The following RPRD2 variants were observed in gnomAD, a reference collection of about 807,000 sequenced individuals.
RPRD2 encodes regulation of nuclear pre-mRNA domain-containing protein 2.
In RPRD2, 12 loss-of-function variants were observed where a neutral mutation model predicts 104.4. The observed-to-expected ratio is 0.11, with a 90% CI of 0.07 to 0.19. RPRD2 has a LOEUF of 0.19. Among genes scored for constraint, RPRD2 ranks in the 10% least tolerant of loss-of-function variants. The pLI is 1.00. For synonymous variants in RPRD2, 714 were observed against 684.9 expected, an observed-to-expected ratio of 1.04 and a Z score of -0.66; for missense variants, 1,543 against 1,790.1, an observed-to-expected ratio of 0.86 and a Z score of 2.49.
At chr1:150,446,076 AAAAAAAG>A (rs1353919570) in intron 6 of RPRD2, 143 bp from the exon 7 acceptor site, 8 of 515,288 alleles carry the variant, frequency 1.6e-5, no homozygotes, top group African/African-American at 1.2e-4. Flanking sequence ...TCAAAAAAAA[AAAAAAAG>A]AAAGAAACTA....
intron 9 of RPRD2, among the ~76,000 whole-genome samples, chr1:150,460,853 A>G (rs1667887509): frequency 6.7e-6 from 1 of 148,382 alleles, no homozygotes; most frequent in Non-Finnish European, 1.5e-5. Context: ...AGCCTCCCAA[A>G]TAGCTGGGAC....
chr1:150,380,410 T>C (rs888375842), intron 1 of RPRD2, among the ~76,000 whole-genome samples: 7 of 152,098 alleles, frequency 4.6e-5, no homozygotes, highest in African/African-American at 1.7e-4. Context: ...TTTGTTTTTT[T>C]TCCTCCTGGG....
At chr1:150,381,567 T>C (rs1344962985) in intron 1 of RPRD2, among the ~76,000 whole-genome samples, 1 of 150,156 alleles carries the variant, frequency 6.7e-6, no homozygotes, top group Non-Finnish European at 1.5e-5. Context: ...TGCAGTGGCG[T>C]GATCTCAGCT....
chr1:150,427,785 CGAGT>C (rs1270958175), intron 2 of RPRD2, among the ~76,000 whole-genome samples: 2 of 151,932 alleles, frequency 1.3e-5, no homozygotes, highest in Non-Finnish European at 2.9e-5. Context: ...GGTGACATAG[CGAGT>C]CTCTGTCCCA....
chr1:150,383,867 T>C (rs16836601), intron 1 of RPRD2, among the ~76,000 whole-genome samples: 7,207 of 152,240 alleles, frequency 0.047, 432 homozygotes, highest in African/African-American at 0.13. Flanking sequence ...GTAGCACATA[T>C]GCATCAACTG....
rs60436957 is a variant in RPRD2, at chr1:150,384,450, C to CATTATTATTATT, written c.205+19563_205+19574dup. 3.3e-4 allele frequency among the ~76,000 whole-genome samples: 44 copies of CATTATTATTATT among 132,346 alleles called. No individual in the cohort carries two copies. In the East Asian group the frequency reaches 6.1e-3, roughly 18 times the overall value. 86.8% of individuals were successfully genotyped at this position (132,346 alleles called of 152,430 possible). A position where few individuals can be genotyped will look rare whatever the true frequency, so the allele number is the denominator to read the frequency against. On this transcript the variant is annotated intron_variant, in intron 1 of 10. Coordinates refer to ENST00000369068, the MANE Select transcript of RPRD2 (RefSeq NM_015203.5). The stretch of plus-strand genomic sequence containing the variant: ...CAGAAGGAATAAAAGGCATCATCAT[C>CATTATTATTATT]ATTATTATTATTATTATTATTATTA...
At chr1:150,452,189 A>G (rs1667232414) in intron 7 of RPRD2, among the ~76,000 whole-genome samples, 1 of 151,998 alleles carries the variant, frequency 6.6e-6, no homozygotes, top group East Asian at 1.9e-4. Flanking sequence ...AAACTGGACA[A>G]AAGCACAGGG....
rs1214994414 is a variant in RPRD2 at position 150,364,193 on chromosome 1, A to T, written c.-522A>T. ...CTATTGCGTTGCAAAAAAAATCCTGACTAGGTAGCCTTGGACCTTTTCTGT... is the reference window on the plus strand; with the variant it reads ...CTATTGCGTTGCAAAAAAAATCCTGTCTAGGTAGCCTTGGACCTTTTCTGT... On this transcript the variant is annotated 5_prime_UTR_variant, in exon 1 of 11. Coordinates refer to ENST00000369068, the MANE Select transcript of RPRD2 (RefSeq NM_015203.5). 4.6e-5 allele frequency among the ~76,000 whole-genome samples: 7 copies of T among 152,104 alleles called. No homozygotes were observed. The highest frequency in any genetic ancestry group is 1.3e-4 in the Admixed American group (2 of 15,266).
rs562476167 is a variant in RPRD2 at position 150,387,567 on chromosome 1, C to CTTTT, written c.205+22686_205+22689dup. On this transcript the variant is annotated intron_variant, in intron 1 of 10. Coordinates refer to ENST00000369068, the MANE Select transcript of RPRD2 (RefSeq NM_015203.5). Reference sequence around the variant, plus strand: ...AAATCTTACAGAAGTTGCAACAGACCTTTTTTTTTTTTTTTTTTTTTTTTT... The same window carrying CTTTT: ...AAATCTTACAGAAGTTGCAACAGACCTTTTTTTTTTTTTTTTTTTTTTTTTTTTT... Among the ~76,000 whole-genome samples, 224 of 73,720 alleles carry CTTTT rather than the reference C, an allele frequency of 3.0e-3. 32 individuals are homozygous for CTTTT. The highest frequency in any genetic ancestry group is 8.2e-3 in the East Asian group (16 of 1,958). The allele number at this position is 73,720 out of a possible 152,430, so 48.4% of individuals were successfully genotyped here. A position where few individuals can be genotyped will look rare whatever the true frequency, so the allele number is the denominator to read the frequency against.
chr1:150,453,259 C>T (rs1016473670), intron 7 of RPRD2, among the ~76,000 whole-genome samples: 5 of 151,808 alleles, frequency 3.3e-5, no homozygotes, highest in Admixed American at 3.3e-4. Flanking sequence ...TCTTGAACTC[C>T]TGACCTCATG....
chr1:150,411,458 C>CA (rs1175130265), intron 1 of RPRD2, among the ~76,000 whole-genome samples: 1,483 of 88,400 alleles, frequency 0.017, 171 homozygotes, highest in African/African-American at 0.067. Flanking sequence ...TAGACTGTCT[C>CA]AAAAAAAAAA....
At chr1:150,418,460 G>GAA (rs1304999842) in intron 2 of RPRD2, among the ~76,000 whole-genome samples, 3 of 151,934 alleles carry the variant, frequency 2.0e-5, no homozygotes, top group Non-Finnish European at 2.9e-5. Context: ...TTCCCTCCAT[G>GAA]AAATCTGTAA....
intron 2 of RPRD2, among the ~76,000 whole-genome samples, chr1:150,427,706 G>A (rs1159928437): frequency 6.6e-6 from 1 of 152,086 alleles, no homozygotes; most frequent in Non-Finnish European, 1.5e-5. Context: ...GGCTGAGGCG[G>A]GAGGATCTCT....
chr1:150,408,922 C>T (rs1663698717), intron 1 of RPRD2: 1 of 152,186 alleles, frequency 6.6e-6, no homozygotes, highest in Non-Finnish European at 1.5e-5. Context: ...CATCTCAGAT[C>T]TTTGGACTCT....
chr1:150,392,394 A>T (rs587628157), intron 1 of RPRD2, among the ~76,000 whole-genome samples: 13 of 152,222 alleles, frequency 8.5e-5, no homozygotes, highest in Non-Finnish European at 1.9e-4. Context: ...AATCCCAGTT[A>T]TCGGGTAGGC....
rs1251100770 is a variant in RPRD2 at position 150,364,696 on chromosome 1, G to C, written c.-19G>C. ...CCGCCGCCGCCAGAGGAGCAGCAGCGCTTGTGCAAACCGGGAAGATGGCGG... is the reference window on the plus strand; with the variant it reads ...CCGCCGCCGCCAGAGGAGCAGCAGCCCTTGTGCAAACCGGGAAGATGGCGG... On this transcript the variant is annotated 5_prime_UTR_variant, in exon 1 of 11. Coordinates refer to ENST00000369068, the MANE Select transcript of RPRD2 (RefSeq NM_015203.5). 2.0e-6 allele frequency: 3 copies of C among 1,492,946 alleles called. No individual in the cohort carries two copies. Among genetic ancestry groups the C allele is most frequent in the Middle Eastern group, 2.3e-4 (1 of 4,320 alleles). 92.5% of individuals were successfully genotyped at this position (1,492,946 alleles called of 1,614,324 possible). A position where few individuals can be genotyped will look rare whatever the true frequency, so the allele number is the denominator to read the frequency against.
intron 1 of RPRD2, among the ~76,000 whole-genome samples, chr1:150,396,463 C>G (rs1662536592): frequency 2.0e-5 from 3 of 152,092 alleles, no homozygotes; most frequent in African/African-American, 7.2e-5. Flanking sequence ...CCATTGTTAT[C>G]TTCTAGAATT....
intron 1 of RPRD2, among the ~76,000 whole-genome samples, chr1:150,367,967 T>A (rs1659968335): frequency 6.6e-6 from 1 of 152,062 alleles, no homozygotes; most frequent in Non-Finnish European, 1.5e-5. Context: ...AGACCATCAT[T>A]TTCTAAGGTG....
intron 2 of RPRD2, among the ~76,000 whole-genome samples, chr1:150,430,925 C>T (rs587608202): frequency 1.4e-5 from 2 of 146,328 alleles, no homozygotes; most frequent in African/African-American, 5.1e-5. Context: ...GAAACTCCAT[C>T]TCAAAAAAAA....
Sources: gnomAD v4.1 joint callset for allele counts (sites outside exome capture counted in the v4.1 genomes callset) on GRCh38, gnomAD v4.1.1 for gene constraint, MANE v1.5 for transcripts, NCBI Gene and HGNC (gene_info 2026-07-23, HGNC 2026-07-21) for gene names.